ARAP2: variants seen among roughly 807,000 people sequenced by gnomAD.
ARAP2 encodes the protein ArfGAP with RhoGAP domain, ankyrin repeat and PH domain 2.
A neutral mutation model predicts 194.5 loss-of-function variants in ARAP2; 148 were observed. The ratio of observed to expected loss-of-function variants is 0.76; its 90% CI spans 0.67 to 0.87. The LOEUF is 0.87. Among genes scored for constraint, ARAP2 ranks in the 40% least tolerant of loss-of-function variants. The probability of loss-of-function intolerance (pLI) is 0.00; values close to 1 mark genes in which losing one functional copy is unlikely to be tolerated. For synonymous variants in ARAP2, 695 were observed against 683.5 expected (o/e 1.02, Z -0.26); for missense variants, 2,128 against 1,989.7 (o/e 1.07, Z -1.32).
intron 22 of ARAP2, 98 bp downstream of exon 22, chr4:36,124,764 T>C: frequency 1.4e-6 from 1 of 692,622 alleles, no homozygotes. Flanking sequence ...CTAAGGTGAG[T>C]TCTTATGATA....
At chr4:36,180,097 AC>A (rs2109860479) in intron 8 of ARAP2, among the ~76,000 whole-genome samples, 1 of 152,170 alleles carries the variant, frequency 6.6e-6, no homozygotes, top group African/African-American at 2.4e-5. Context: ...ACATGGTGAC[AC>A]CCGGTCTATA....
At position 36,050,342 on chromosome 4, in the gene ARAP2, A is replaced by G. The variant is rs534408066; in HGVS notation, n.369+1664T>C. Among the ~76,000 whole-genome samples, 4 of 152,320 alleles carry G rather than the reference A, an allele frequency of 2.6e-5. No individual in the cohort carries two copies. The East Asian group carries it at 7.7e-4, about 29-fold the overall frequency. The stretch of plus-strand genomic sequence containing the variant: ...ATTGTTTTACCTTTAGGTTTAGCCA[A>G]TTAGTATAAAATTAGTACAAAAGTA... On this transcript the variant is annotated intron_variant and non_coding_transcript_variant, in intron 3 of 12. Transcript: ENST00000503225.
chr4:36,165,489 G>T (rs777431958), intron 10 of ARAP2, among the ~76,000 whole-genome samples: 2 of 152,086 alleles, frequency 1.3e-5, no homozygotes, highest in Non-Finnish European at 2.9e-5. Flanking sequence ...ATTTTGCCAA[G>T]CAAGTATGCC....
intron 19 of ARAP2, among the ~76,000 whole-genome samples, chr4:36,137,117 C>A (rs1727035090): frequency 6.6e-6 from 1 of 151,802 alleles, no homozygotes; most frequent in Admixed American, 6.6e-5. Context: ...TTCTAAGAAT[C>A]TTAAAATACG....
At chr4:36,089,953 C>T (rs1351532497) in intron 28 of ARAP2, among the ~76,000 whole-genome samples, 1 of 151,854 alleles carries the variant, frequency 6.6e-6, no homozygotes, top group African/African-American at 2.4e-5. Flanking sequence ...TTTGGATGAG[C>T]ATGCTATTAT....
chr4:36,059,200 A>G (rs1724008454), intron 1 of ARAP2, among the ~76,000 whole-genome samples: 1 of 152,170 alleles, frequency 6.6e-6, no homozygotes, highest in Non-Finnish European at 1.5e-5. Context: ...GCAACATGAC[A>G]TTGATAAAGA....
chr4:36,067,576 T>C lies in ARAP2; in HGVS notation c.*331A>G, dbSNP rs1258215618. Reference sequence around the variant, plus strand: ...CATTTAAACACAGCATTTTATACAATACAGTACAGTTTGAGATTTCTGCTC... The same window carrying C: ...CATTTAAACACAGCATTTTATACAACACAGTACAGTTTGAGATTTCTGCTC... On this transcript the variant is annotated 3_prime_UTR_variant, in exon 33 of 33. Coordinates refer to ENST00000303965, the MANE Select transcript of ARAP2 (RefSeq NM_015230.4). The C allele has an allele frequency of 5.2e-6, 1 of 194,002 alleles. No individual in the cohort carries two copies. Among genetic ancestry groups the C allele is most frequent in the African/African-American group, 2.3e-5 (1 of 42,710 alleles). 12.0% of individuals were successfully genotyped at this position (194,002 alleles called of 1,614,324 possible).
At chr4:36,156,869 T>A (rs1732683722) in intron 15 of ARAP2, among the ~76,000 whole-genome samples, 1 of 152,182 alleles carries the variant, frequency 6.6e-6, no homozygotes, top group Non-Finnish European at 1.5e-5. Flanking sequence ...TGGAAAAATA[T>A]CCCTAGTTAA....
At chr4:36,231,903 C>G (rs1751546063) in intron 1 of ARAP2, among the ~76,000 whole-genome samples, 1 of 152,146 alleles carries the variant, frequency 6.6e-6, no homozygotes, top group South Asian at 2.1e-4. Flanking sequence ...TACTTGGAGA[C>G]AGGGCCTCCA....
intron 10 of ARAP2, chr4:36,005,983 C>T (rs1222598744): frequency 6.6e-6 from 1 of 152,164 alleles, no homozygotes; most frequent in Non-Finnish European, 1.5e-5. Flanking sequence ...CACTTCCTTC[C>T]AATTGTTGAT....
chr4:36,056,058 T>A (rs905925712), intron 2 of ARAP2, among the ~76,000 whole-genome samples: 143 of 152,222 alleles, frequency 9.4e-4, no homozygotes, highest in Non-Finnish European at 1.5e-4. Context: ...CTTGAGTAGC[T>A]GGGCAGAAAA....
chr4:36,237,702 G>A (rs930114533), intron 1 of ARAP2, among the ~76,000 whole-genome samples: 1 of 152,174 alleles, frequency 6.6e-6, no homozygotes, highest in African/African-American at 2.4e-5. Context: ...AGAACTGTGA[G>A]CCAAATAAAT....
At chr4:36,006,553 C>A (rs1366503521) in intron 10 of ARAP2, 2 of 152,060 alleles carry the variant, frequency 1.3e-5, no homozygotes, top group Non-Finnish European at 2.9e-5. Flanking sequence ...CAGGGTGTTA[C>A]AATAGACTGT....
intron 6 of ARAP2, among the ~76,000 whole-genome samples, chr4:36,017,258 C>A (rs886885785): frequency 3.3e-5 from 5 of 151,684 alleles, no homozygotes; most frequent in African/African-American, 1.2e-4. Flanking sequence ...TAGACTCATT[C>A]ACTTATGTAT....
intron 22 of ARAP2, among the ~76,000 whole-genome samples, chr4:36,122,457 C>T (rs536818590): frequency 4.3e-4 from 66 of 151,954 alleles, no homozygotes; most frequent in African/African-American, 1.4e-3. Context: ...AGATCACGTC[C>T]TTTGCAGCAA....
At chr4:36,037,422 C>T (rs1720112192) in intron 5 of ARAP2, among the ~76,000 whole-genome samples, 1 of 152,142 alleles carries the variant, frequency 6.6e-6, no homozygotes, top group Admixed American at 6.6e-5. Context: ...CATGCATGTA[C>T]TCCCCCTAGT....
chr4:36,127,880 T>C (rs1346014862), intron 21 of ARAP2, among the ~76,000 whole-genome samples: 1 of 151,986 alleles, frequency 6.6e-6, no homozygotes, highest in East Asian at 1.9e-4. Context: ...GCAATGCTTA[T>C]ATTTAAGTCT....
At chr4:36,189,708 A>AACTTTAT (rs1560625667) in intron 7 of ARAP2, among the ~76,000 whole-genome samples, 1 of 152,158 alleles carries the variant, frequency 6.6e-6, no homozygotes, top group East Asian at 1.9e-4. Flanking sequence ...AATGTCCTCC[A>AACTTTAT]GCTCTACCAA....
At chr4:36,046,299 C>T (rs955758375) in intron 4 of ARAP2, among the ~76,000 whole-genome samples, 1 of 152,084 alleles carries the variant, frequency 6.6e-6, no homozygotes, top group African/African-American at 2.4e-5. Flanking sequence ...AATACTCAGC[C>T]TCTTGAGTAT....
Sources: gnomAD v4.1 joint callset for allele counts (sites outside exome capture counted in the v4.1 genomes callset) on GRCh38, gnomAD v4.1.1 for gene constraint, MANE v1.5 for transcripts, NCBI Gene and HGNC (gene_info 2026-07-23, HGNC 2026-07-21) for gene names.